ERBB4: variants seen among roughly 807,000 people sequenced by gnomAD.
ERBB4 encodes the protein erb-b2 receptor tyrosine kinase 4.
A neutral mutation model predicts 158.0 loss-of-function variants in ERBB4; 42 were observed. The ratio of observed to expected loss-of-function variants is 0.27; its 90% CI spans 0.21 to 0.34. ERBB4 has a LOEUF of 0.34. Ranked by LOEUF, ERBB4 falls within the 10% of genes least tolerant of loss-of-function variation. The pLI, the probability that ERBB4 is intolerant of heterozygous loss-of-function variation, is 1.00. For synonymous variants in ERBB4, 583 were observed against 558.7 expected, an observed-to-expected ratio of 1.04 and a Z score of -0.61; for missense variants, 1,333 against 1,624.1, an observed-to-expected ratio of 0.82 and a Z score of 3.08.
chr2:212,226,068 A>C (rs558160610), intron 1 of ERBB4, among the ~76,000 whole-genome samples: 2 of 152,250 alleles, frequency 1.3e-5, no homozygotes, highest in Non-Finnish European at 2.9e-5. Flanking sequence ...AGTCAGAGAG[A>C]TTCAAATCGG....
chr2:212,014,815 T>TA (rs560438775), intron 2 of ERBB4, among the ~76,000 whole-genome samples: 42 of 151,586 alleles, frequency 2.8e-4, no homozygotes, highest in Middle Eastern at 3.4e-3. Flanking sequence ...GAATGTTGAG[T>TA]AAAAAAATGT....
At chr2:212,206,719 T>G (rs891570647) in intron 1 of ERBB4, among the ~76,000 whole-genome samples, 1 of 151,754 alleles carries the variant, frequency 6.6e-6, no homozygotes, top group Non-Finnish European at 1.5e-5. Context: ...CCCGAGTAGC[T>G]GGGACTACAG....
chr2:211,661,028 A>G (rs189732356), intron 15 of ERBB4, among the ~76,000 whole-genome samples: 6 of 152,122 alleles, frequency 3.9e-5, no homozygotes, highest in African/African-American at 1.4e-4. Flanking sequence ...TTGGAGATAG[A>G]AAAATAGAGG....
At chr2:211,885,775 A>G (rs1292198506) in intron 3 of ERBB4, among the ~76,000 whole-genome samples, 2 of 152,106 alleles carry the variant, frequency 1.3e-5, no homozygotes, top group Non-Finnish European at 2.9e-5. Context: ...TTTAATCTAA[A>G]ATGCATTTCA....
chr2:212,137,439 G>C (rs2080307588), intron 1 of ERBB4, among the ~76,000 whole-genome samples: 2 of 152,092 alleles, frequency 1.3e-5, no homozygotes, highest in African/African-American at 2.4e-5. Flanking sequence ...TTGGTTTGCT[G>C]TTCCTGTGTT....
At position 211,773,630 on chromosome 2, in the gene ERBB4, ATAT is replaced by A. The variant is rs1380571740; in HGVS notation, c.556+14392_556+14394del. ...TATATATATATATATATATATATAT[ATAT>A]ATATATATATATATAATATATATAC... On this transcript the variant is annotated intron_variant, in intron 4 of 27. Coordinates refer to ENST00000342788, the MANE Select transcript of ERBB4 (RefSeq NM_005235.3). Among the ~76,000 whole-genome samples the A allele has an allele frequency of 4.0e-4, 20 of 49,900 alleles. 1 individual carries two copies. Among genetic ancestry groups the A allele is most frequent in the African/African-American group, 1.9e-3 (18 of 9,434 alleles). The allele number at this position is 49,900 out of a possible 152,430, so 32.7% of individuals were successfully genotyped here.
chr2:212,077,220 T>A (rs980831273), intron 2 of ERBB4, among the ~76,000 whole-genome samples: 2 of 151,968 alleles, frequency 1.3e-5, no homozygotes, highest in African/African-American at 4.8e-5. Context: ...GGGGCAAAAT[T>A]ATCATTATCT....
chr2:212,233,320 G>A (rs928304257), intron 1 of ERBB4, among the ~76,000 whole-genome samples: 21 of 152,206 alleles, frequency 1.4e-4, no homozygotes, highest in African/African-American at 5.1e-4. Context: ...ATGTGGTGAG[G>A]TAGGTAGGAG....
At chr2:211,463,775 G>A (rs1339610066) in intron 20 of ERBB4, among the ~76,000 whole-genome samples, 1 of 151,978 alleles carries the variant, frequency 6.6e-6, no homozygotes, top group Non-Finnish European at 1.5e-5. Flanking sequence ...TCAAATGGTG[G>A]TTTCCAGACA....
intron 19 of ERBB4, among the ~76,000 whole-genome samples, chr2:211,580,859 G>T (rs60520131): frequency 0.048 from 3,167 of 66,028 alleles, 565 homozygotes; most frequent in African/African-American, 0.063. Flanking sequence ...TATATAGTAT[G>T]CATATACATA....
chr2:211,946,119 A>G (rs907252608), intron 3 of ERBB4, among the ~76,000 whole-genome samples: 1 of 152,062 alleles, frequency 6.6e-6, no homozygotes, highest in Non-Finnish European at 1.5e-5. Context: ...TGAAAGAAAT[A>G]AAAGTGAAAA....
intron 1 of ERBB4, among the ~76,000 whole-genome samples, chr2:212,462,709 G>A (rs934140590): frequency 1.3e-5 from 2 of 152,048 alleles, no homozygotes; most frequent in Non-Finnish European, 2.9e-5. Flanking sequence ...CCTCAAAAAA[G>A]TAAAGATATA....
At chr2:211,615,840 C>G (rs758639897) in intron 19 of ERBB4, among the ~76,000 whole-genome samples, 2 of 152,008 alleles carry the variant, frequency 1.3e-5, no homozygotes, top group Non-Finnish European at 2.9e-5. Context: ...GTTATTGAAT[C>G]TAGAATATTC....
At chr2:212,240,653 A>AC (rs1271108106) in intron 1 of ERBB4, among the ~76,000 whole-genome samples, 2 of 149,008 alleles carry the variant, frequency 1.3e-5, no homozygotes, top group African/African-American at 4.9e-5. Context: ...AAAAAAAAAA[A>AC]AAAAAAAAAA....
At chr2:211,603,424 G>T (rs1320176911) in intron 19 of ERBB4, among the ~76,000 whole-genome samples, 1 of 152,016 alleles carries the variant, frequency 6.6e-6, no homozygotes, top group African/African-American at 2.4e-5. Flanking sequence ...ATTACCAACA[G>T]TGAACAACAC....
chr2:211,605,847 C>G, intron 19 of ERBB4, among the ~76,000 whole-genome samples: 1 of 152,160 alleles, frequency 6.6e-6, no homozygotes, highest in South Asian at 2.1e-4. Flanking sequence ...CCTTTCAAAA[C>G]CAGATTCGCT....
intron 2 of ERBB4, among the ~76,000 whole-genome samples, chr2:212,051,545 C>A (rs1204412626): frequency 2.0e-5 from 3 of 152,112 alleles, no homozygotes. Context: ...TTACTTCTTA[C>A]AGGAACTCAA....
chr2:211,852,558 A>T (rs2077743976), intron 3 of ERBB4, among the ~76,000 whole-genome samples: 1 of 151,928 alleles, frequency 6.6e-6, no homozygotes. Flanking sequence ...TGTTTTGTTC[A>T]ACATCATTCC....
In ERBB4 at chr2:212,003,208, A is replaced by G. The variant is rs866726820; in HGVS notation, c.235-55592T>C. On this transcript the variant is annotated intron_variant, in intron 2 of 27. Coordinates refer to ENST00000342788, the MANE Select transcript of ERBB4 (RefSeq NM_005235.3). ...AAGAAAGAAAGAAAGAAAGAAAGAC[A>G]GAAAGAAGGAAGGAAGGAAGGAAGG... 9.7e-3 allele frequency among the ~76,000 whole-genome samples: 356 copies of G among 36,632 alleles called. 10 individuals carry two copies. The highest frequency in any genetic ancestry group is 0.023 in the African/African-American group (295 of 12,592). The allele number at this position is 36,632 out of a possible 152,430, so 24.0% of individuals were successfully genotyped here.
Sources: allele counts gnomAD v4.1 joint callset (sites outside exome capture counted in the v4.1 genomes callset), GRCh38; gene constraint gnomAD v4.1.1; transcripts MANE v1.5; gene names NCBI Gene and HGNC (gene_info 2026-07-23, HGNC 2026-07-21).